The following NKAIN3 variants were observed in gnomAD, a reference collection of about 807,000 sequenced individuals.
NKAIN3 encodes the protein sodium/potassium transporting ATPase interacting 3.
In NKAIN3, 25 loss-of-function variants were observed where a neutral mutation model predicts 30.2. The observed-to-expected ratio is 0.83, with a 90% CI of 0.60 to 1.16. The LOEUF (loss-of-function observed/expected upper bound fraction) is 1.16, where lower values mean the gene tolerates loss of function less well. Among genes scored for constraint, NKAIN3 ranks in the 50% most tolerant of loss-of-function variants. NKAIN3 has a pLI of 0.00. For synonymous variants in NKAIN3, 91 were observed against 89.6 expected, an observed-to-expected ratio of 1.02 and a Z score of -0.09; for missense variants, 225 against 254.1, an observed-to-expected ratio of 0.89 and a Z score of 0.78.
intron 4 of NKAIN3, among the ~76,000 whole-genome samples, chr8:62,865,745 T>C (rs1820396848): frequency 6.6e-6 from 1 of 152,232 alleles, no homozygotes; most frequent in Non-Finnish European, 1.5e-5. Context: ...ATATGCAATG[T>C]TATCTTCTGG....
chr8:62,481,510 C>T (rs1024788517), intron 1 of NKAIN3, among the ~76,000 whole-genome samples: 6 of 152,186 alleles, frequency 3.9e-5, no homozygotes, highest in Admixed American at 3.9e-4. Context: ...CTATGAGATG[C>T]TTGAGGGCTG....
At chr8:62,938,852 C>T (rs1436039365) in intron 5 of NKAIN3, among the ~76,000 whole-genome samples, 1 of 152,142 alleles carries the variant, frequency 6.6e-6, no homozygotes, top group Non-Finnish European at 1.5e-5. Context: ...TTCTTTAACA[C>T]CACCAAAAGA....
chr8:62,385,895 C>T (rs16928845), intron 1 of NKAIN3, among the ~76,000 whole-genome samples: 5 of 152,176 alleles, frequency 3.3e-5, no homozygotes, highest in Non-Finnish European at 7.4e-5. Flanking sequence ...CATGCACCAT[C>T]GTTTGTTCAT....
intron 1 of NKAIN3, among the ~76,000 whole-genome samples, chr8:62,570,475 G>A (rs1255921800): frequency 6.6e-6 from 1 of 152,140 alleles, no homozygotes; most frequent in Non-Finnish European, 1.5e-5. Flanking sequence ...TGGTTGGGAG[G>A]CCTCACAATC....
intron 5 of NKAIN3, among the ~76,000 whole-genome samples, chr8:62,996,427 T>C (rs779338717): frequency 6.6e-6 from 1 of 152,078 alleles, no homozygotes; most frequent in Non-Finnish European, 1.5e-5. Flanking sequence ...GGGATTACAA[T>C]TCAAGAAGAG....
At chr8:62,330,271 A>G (rs1815295286) in intron 1 of NKAIN3, among the ~76,000 whole-genome samples, 1 of 151,912 alleles carries the variant, frequency 6.6e-6, no homozygotes, top group Non-Finnish European at 1.5e-5. Flanking sequence ...TATATATCAC[A>G]GGAAGGAGTT....
At chr8:62,851,202 T>G (rs970048339) in intron 4 of NKAIN3, among the ~76,000 whole-genome samples, 41 of 152,182 alleles carry the variant, frequency 2.7e-4, no homozygotes, top group African/African-American at 8.9e-4. Flanking sequence ...CTAGGTATTT[T>G]ATTCTCTTTG....
intron 3 of NKAIN3, 84 bp from the exon 4 acceptor site, chr8:62,746,848 C>T: frequency 1.1e-6 from 1 of 943,032 alleles, no homozygotes; most frequent in Non-Finnish European, 1.6e-6. Flanking sequence ...ATTTCATCTA[C>T]CCTGAATTCT....
At chr8:62,416,165 C>T (rs755999912) in intron 1 of NKAIN3, among the ~76,000 whole-genome samples, 2 of 152,124 alleles carry the variant, frequency 1.3e-5, no homozygotes, top group Non-Finnish European at 2.9e-5. Context: ...TTTGGGGGCT[C>T]ATAAAGACAT....
intron 1 of NKAIN3, among the ~76,000 whole-genome samples, chr8:62,527,944 A>G (rs1357835109): frequency 7.6e-6 from 1 of 131,116 alleles, no homozygotes; most frequent in African/African-American, 4.5e-5. Context: ...ACAGAAAGAG[A>G]GAGACAAAGA....
intron 5 of NKAIN3, among the ~76,000 whole-genome samples, chr8:62,995,887 T>C (rs1383654582): frequency 6.6e-6 from 1 of 152,206 alleles, no homozygotes; most frequent in African/African-American, 2.4e-5. Context: ...TGGGAGCTTG[T>C]TAGAAATGCA....
At chr8:62,539,579 GT>G (rs1208850422) in intron 1 of NKAIN3, among the ~76,000 whole-genome samples, 2 of 152,000 alleles carry the variant, frequency 1.3e-5, no homozygotes, top group Non-Finnish European at 2.9e-5. Flanking sequence ...TGGTGTTTTT[GT>G]TTGTTTGTTT....
chr8:62,873,139 A>T (rs563215122), intron 4 of NKAIN3, among the ~76,000 whole-genome samples: 30 of 152,276 alleles, frequency 2.0e-4, no homozygotes, highest in African/African-American at 7.2e-4. Context: ...AAAGAGATGG[A>T]GGAAAATTTG....
At chr8:62,504,695 C>A (rs188303702) in intron 1 of NKAIN3, among the ~76,000 whole-genome samples, 3 of 152,222 alleles carry the variant, frequency 2.0e-5, no homozygotes, top group East Asian at 3.9e-4. Context: ...GGAAACACAG[C>A]AATACTCAGG....
At chr8:62,959,643 A>G (rs1218014856) in intron 6 of NKAIN3, among the ~76,000 whole-genome samples, 1 of 152,084 alleles carries the variant, frequency 6.6e-6, no homozygotes, top group Non-Finnish European at 1.5e-5. Flanking sequence ...ATTTATCCAG[A>G]TAGAGCACGC....
intron 3 of NKAIN3, among the ~76,000 whole-genome samples, chr8:62,671,587 C>T (rs1220190407): frequency 6.6e-6 from 1 of 151,830 alleles, no homozygotes; most frequent in Non-Finnish European, 1.5e-5. Flanking sequence ...ATGATAAGTG[C>T]CCTTTGTTTT....
intron 1 of NKAIN3, among the ~76,000 whole-genome samples, chr8:62,425,700 G>T (rs771031604): frequency 6.6e-5 from 10 of 151,242 alleles, no homozygotes; most frequent in Non-Finnish European, 1.3e-4. Context: ...AGTTAATTTG[G>T]CTAGAAAAAT....
chr8:62,787,894 G>T (rs1817575068), intron 4 of NKAIN3, among the ~76,000 whole-genome samples: 1 of 152,112 alleles, frequency 6.6e-6, no homozygotes, highest in Non-Finnish European at 1.5e-5. Flanking sequence ...ATTCCATGGT[G>T]TATATGTGCC....
intron 3 of NKAIN3, among the ~76,000 whole-genome samples, chr8:62,741,351 A>G (rs1424278628): frequency 6.7e-6 from 1 of 148,428 alleles, no homozygotes; most frequent in African/African-American, 2.5e-5. Context: ...AGAGAGAAGA[A>G]AGAGAGAGAA....
Sources: gnomAD v4.1 joint callset for allele counts (sites outside exome capture counted in the v4.1 genomes callset) on GRCh38, gnomAD v4.1.1 for gene constraint, MANE v1.5 for transcripts, NCBI Gene and HGNC (gene_info 2026-07-23, HGNC 2026-07-21) for gene names.